Variants in MYBL2 observed in about 807,000 individuals in gnomAD.
MYBL2 encodes the protein myb-related protein B.
A neutral mutation model predicts 79.9 loss-of-function variants in MYBL2; 28 were observed. That is an observed-to-expected ratio of 0.35 (90% confidence interval 0.26 to 0.48). The LOEUF (loss-of-function observed/expected upper bound fraction) is 0.48. Among genes scored for constraint, MYBL2 ranks in the 20% least tolerant of loss-of-function variants. The pLI is 0.99. For missense variants in MYBL2, 735 were observed against 893.9 expected (o/e 0.82, Z 2.27); for synonymous variants, 378 against 361.2 (o/e 1.05, Z -0.53).
rs1987203074 is a variant in MYBL2, at chr20:43,683,792, G to T, written c.279+906G>T. 2.0e-5 allele frequency among the ~76,000 whole-genome samples: 3 copies of T among 151,970 alleles called. No homozygotes were observed. The South Asian group carries it at 6.2e-4, about 32-fold the overall frequency. On this transcript the variant is annotated intron_variant, in intron 4 of 13. Transcript: ENST00000217026. ...GCTGGTCTTGAACTCCTGACCTCGT[G>T]ATCTACCCGCCTCAGCCTCCCAAAG...
intron 5 of MYBL2, among the ~76,000 whole-genome samples, chr20:43,687,725 A>G (rs1469254030): frequency 6.6e-6 from 1 of 152,102 alleles, no homozygotes; most frequent in Non-Finnish European, 1.5e-5. Flanking sequence ...TTAAAATAAT[A>G]ATGTTTATGG....
rs935347476 is a variant in MYBL2, at chr20:43,716,347, G to A, written c.*260G>A. ...CCTCCCCAAGGCCACAGGGAGCTCC[G>A]TCAGCTTCTCCCAAGCCCACGTCAG... On this transcript the variant is annotated 3_prime_UTR_variant, in exon 14 of 14. Coordinates refer to ENST00000217026, the MANE Select transcript of MYBL2 (RefSeq NM_002466.4). 1.2e-5 allele frequency: 6 copies of A among 513,204 alleles called. No individual in the cohort carries two copies. Among genetic ancestry groups the A allele is most frequent in the African/African-American group, 2.0e-5 (1 of 50,334 alleles). 31.8% of individuals were successfully genotyped at this position (513,204 alleles called of 1,614,324 possible). A position where few individuals can be genotyped will look rare whatever the true frequency, so the allele number is the denominator to read the frequency against.
In MYBL2 at chr20:43,682,947, C is replaced by T. The variant is rs556635182; in HGVS notation, c.279+61C>T. On this transcript the variant is annotated intron_variant, in intron 4 of 13. Transcript: ENST00000217026. ...CTTCACCCACCAGTGTACCTGGGGA[C>T]TGTGAGATTGCCTTGTGTTGGGGTT... 6.7e-6 allele frequency: 10 copies of T among 1,497,016 alleles called. No individual in the cohort carries two copies. In the East Asian group the frequency reaches 1.8e-4, roughly 27 times the overall value. The allele number at this position is 1,497,016 out of a possible 1,614,324, so 92.7% of individuals were successfully genotyped here.
Position 43,673,806 on chromosome 20 carries a change from C to A in MYBL2, c.21C>A (p.Cys7Ter). Reference protein sequence around the residue: MSRRTRCEDLDELHYQD... With the variant: MSRRTR ...GACCCTTGGCCTGCTTTCCCCATAG[C>A]GAGGATCTGGATGAGCTGCACTACC... The change falls in exon 2 of 14, where the codon TGC (cysteine) becomes TGA (stop). Residue 7 changes from cysteine to a stop codon, truncating the protein, a stop_gained and splice_region_variant. Coordinates refer to ENST00000217026, the MANE Select transcript of MYBL2 (RefSeq NM_002466.4). LOFTEE classifies it high-confidence loss of function. The A allele has an allele frequency of 6.4e-7, 1 of 1,567,888 alleles. No individual in the cohort carries two copies. The highest frequency in any genetic ancestry group is 8.7e-7 in the Non-Finnish European group (1 of 1,155,106).
intron 1 of MYBL2, among the ~76,000 whole-genome samples, chr20:43,670,329 A>G (rs558993097): frequency 2.2e-4 from 34 of 152,270 alleles, no homozygotes; most frequent in African/African-American, 7.0e-4. Context: ...TTTGCCTTCT[A>G]TATTGAAGTG....
At chr20:43,701,535 G>T (rs534692616) in intron 7 of MYBL2, among the ~76,000 whole-genome samples, 1 of 152,188 alleles carries the variant, frequency 6.6e-6, no homozygotes, top group Non-Finnish European at 1.5e-5. Flanking sequence ...AGTGACTCAC[G>T]GGCTTGTTCT....
rs6031044 is a variant in MYBL2, at chr20:43,703,913, G to A, written c.1365+1010G>A. Among the ~76,000 whole-genome samples, 1,317 of 152,272 alleles carry A rather than the reference G, an allele frequency of 8.6e-3. 10 individuals carry two copies. Among genetic ancestry groups the A allele is most frequent in the African/African-American group, 0.03 (1,240 of 41,548 alleles). ...ATGCTGGCGGCTCCTGTGTCTTCAC[G>A]TGGTCACCTGTGTCCTAATCTATTA... On this transcript the variant is annotated intron_variant, in intron 8 of 13. Coordinates refer to ENST00000217026, the MANE Select transcript of MYBL2 (RefSeq NM_002466.4).
chr20:43,698,013 G>C (rs1278396270), intron 6 of MYBL2, among the ~76,000 whole-genome samples: 8 of 146,560 alleles, frequency 5.5e-5, no homozygotes, highest in Admixed American at 1.4e-4. Flanking sequence ...ATGAGGGTGA[G>C]TAACAAATTA....
At chr20:43,695,466 T>C (rs113568182) in intron 6 of MYBL2, among the ~76,000 whole-genome samples, 1,736 of 152,346 alleles carry the variant, frequency 0.011, 14 homozygotes, top group African/African-American at 0.028. Context: ...GATAAAACTC[T>C]TAACAGTCAC....
At chr20:43,687,495 T>C (rs900553742) in intron 5 of MYBL2, among the ~76,000 whole-genome samples, 6 of 152,230 alleles carry the variant, frequency 3.9e-5, no homozygotes, top group Non-Finnish European at 7.3e-5. Context: ...AAAGGTGTTT[T>C]TTGTTTTTCT....
At chr20:43,705,387 C>T in intron 9 of MYBL2, 29 bp downstream of exon 9, 1 of 1,570,324 alleles carries the variant, frequency 6.4e-7, no homozygotes, top group South Asian at 1.2e-5. Context: ...CCAACCTTCG[C>T]CGTCCTCTCC....
rs138328914 is a variant in MYBL2, at chr20:43,705,672, ATATTTATTTATT to A, written c.1505+348_1505+359del. On this transcript the variant is annotated intron_variant, in intron 9 of 13. Coordinates refer to ENST00000217026, the MANE Select transcript of MYBL2 (RefSeq NM_002466.4). Reference sequence around the variant, plus strand: ...CCACCATGCTCAGCTAATTAAAAAAATATTTATTTATTTATTTATTTATTTATTTATTTATTT... The same window carrying A: ...CCACCATGCTCAGCTAATTAAAAAAATATTTATTTATTTATTTATTTATTT... Among the ~76,000 whole-genome samples, 395 of 144,722 alleles carry A rather than the reference ATATTTATTTATT, an allele frequency of 2.7e-3. 5 individuals carry two copies. Among genetic ancestry groups the A allele is most frequent in the South Asian group, 0.016 (74 of 4,564 alleles). 94.9% of individuals were successfully genotyped at this position (144,722 alleles called of 152,430 possible).
chr20:43,682,995 G>A (rs1987179153), intron 4 of MYBL2, 109 bp downstream of exon 4: 1 of 1,012,732 alleles, frequency 9.9e-7, no homozygotes, highest in Non-Finnish European at 1.5e-6. Context: ...CTGAGCATTG[G>A]GTGTGAGTTG....
At chr20:43,700,444 G>T (rs1414219773) in intron 7 of MYBL2, among the ~76,000 whole-genome samples, 1 of 152,168 alleles carries the variant, frequency 6.6e-6, no homozygotes, top group African/African-American at 2.4e-5. Context: ...AAGTCTTGGT[G>T]CTGGTCTTGG....
intron 11 of MYBL2, among the ~76,000 whole-genome samples, chr20:43,712,233 C>T (rs1009222100): frequency 3.3e-5 from 5 of 152,302 alleles, no homozygotes; most frequent in African/African-American, 7.2e-5. Context: ...GCGATCCCTT[C>T]GAGTCTCCTA....
At chr20:43,686,571 C>T (rs1248934786) in intron 4 of MYBL2, among the ~76,000 whole-genome samples, 2 of 152,166 alleles carry the variant, frequency 1.3e-5, no homozygotes, top group East Asian at 3.8e-4. Context: ...CCTTTGTTTA[C>T]CCCCACTTGA....
intron 3 of MYBL2, among the ~76,000 whole-genome samples, chr20:43,682,530 T>A (rs1987169028): frequency 6.6e-6 from 1 of 152,190 alleles, no homozygotes; most frequent in Non-Finnish European, 1.5e-5. Flanking sequence ...ATTAAAGACT[T>A]GTGATGGTGG....
chr20:43,698,865 T>C (rs1987620261), intron 6 of MYBL2, among the ~76,000 whole-genome samples: 2 of 119,818 alleles, frequency 1.7e-5, no homozygotes, highest in Admixed American at 1.9e-4. Flanking sequence ...TTTATTAGAG[T>C]CTTGTTGTGT....
chr20:43,667,206 G>A lies in MYBL2; in HGVS notation c.-78G>A. ...GGGCCCGGAGCGGCCGGAGCAGCCCGGGTCCTGACCCCGGCCCGGCTCCCG... is the reference window on the plus strand; with the variant it reads ...GGGCCCGGAGCGGCCGGAGCAGCCCAGGTCCTGACCCCGGCCCGGCTCCCG... On this transcript the variant is annotated 5_prime_UTR_variant, in exon 1 of 14. Transcript: ENST00000217026. The A allele has an allele frequency of 9.2e-7, 1 of 1,089,214 alleles. No individual in the cohort carries two copies. Among genetic ancestry groups the A allele is most frequent in the Non-Finnish European group, 1.1e-6 (1 of 875,388 alleles). The allele number at this position is 1,089,214 out of a possible 1,614,324, so 67.5% of individuals were successfully genotyped here.
Sources: gnomAD v4.1 joint callset for allele counts (sites outside exome capture counted in the v4.1 genomes callset) on GRCh38, gnomAD v4.1.1 for gene constraint, MANE v1.5 for transcripts, NCBI Gene and HGNC (gene_info 2026-07-23, HGNC 2026-07-21) for gene names.